The following LRP1B variants were observed in gnomAD, a reference collection of about 807,000 sequenced individuals.
The protein encoded by LRP1B is LDL receptor related protein 1B, also known as low-density lipoprotein receptor-related protein 1B.
In LRP1B, 217 loss-of-function variants were observed where a neutral mutation model predicts 556.6. That is an observed-to-expected ratio of 0.39 (90% CI 0.35 to 0.44). The LOEUF (loss-of-function observed/expected upper bound fraction) is 0.44. Ranked by LOEUF, LRP1B falls within the 20% of genes least tolerant of loss-of-function variation. The probability of loss-of-function intolerance (pLI) is 1.00; values close to 1 mark genes in which losing one functional copy is unlikely to be tolerated. For missense variants in LRP1B, 5,053 were observed against 5,620.8 expected, an observed-to-expected ratio of 0.90 and a Z score of 3.23; for synonymous variants, 2,047 against 1,865.8, an observed-to-expected ratio of 1.10 and a Z score of -2.50.
At chr2:141,434,173 A>AT (rs573679073) in intron 3 of LRP1B, among the ~76,000 whole-genome samples, 14 of 151,942 alleles carry the variant, frequency 9.2e-5, no homozygotes, top group African/African-American at 3.4e-4. Flanking sequence ...ATCTTTGAAT[A>AT]TTTTTTCTGT....
intron 3 of LRP1B, among the ~76,000 whole-genome samples, chr2:141,312,826 T>A (rs528439390): frequency 3.3e-5 from 5 of 151,974 alleles, no homozygotes; most frequent in Non-Finnish European, 5.9e-5. Context: ...GTAGCTGAGA[T>A]TACAGGTGCC....
chr2:140,690,587 G>A (rs889643239), intron 41 of LRP1B, among the ~76,000 whole-genome samples: 52 of 152,206 alleles, frequency 3.4e-4, no homozygotes, highest in African/African-American at 1.2e-3. Flanking sequence ...AGGAAATTTT[G>A]AATTCATGGA....
At chr2:141,623,818 C>G (rs921365116) in intron 2 of LRP1B, among the ~76,000 whole-genome samples, 4 of 151,498 alleles carry the variant, frequency 2.6e-5, no homozygotes, top group African/African-American at 4.9e-5. Context: ...AGTTTGAGAC[C>G]AGCCTGGCTA....
intron 43 of LRP1B, among the ~76,000 whole-genome samples, chr2:140,584,621 T>C (rs1485274987): frequency 6.6e-6 from 1 of 152,110 alleles, no homozygotes; most frequent in Non-Finnish European, 1.5e-5. Flanking sequence ...AATACACTAG[T>C]TGCCCTAGAT....
chr2:141,537,198 CA>C (rs1307559750), intron 2 of LRP1B, among the ~76,000 whole-genome samples: 2 of 151,836 alleles, frequency 1.3e-5, no homozygotes, highest in Non-Finnish European at 2.9e-5. Context: ...TTTGACTTAT[CA>C]AAATGCTGGA....
chr2:140,827,210 A>G (rs1691539886), intron 31 of LRP1B, among the ~76,000 whole-genome samples: 1 of 152,120 alleles, frequency 6.6e-6, no homozygotes, highest in Non-Finnish European at 1.5e-5. Context: ...AAAGCTATAG[A>G]CATACATCCA....
intron 1 of LRP1B, among the ~76,000 whole-genome samples, chr2:142,065,997 T>C (rs992869296): frequency 2.6e-5 from 4 of 151,498 alleles, no homozygotes; most frequent in Non-Finnish European, 4.4e-5. Flanking sequence ...ATAATGGTGG[T>C]ACAGACACAG....
intron 2 of LRP1B, among the ~76,000 whole-genome samples, chr2:141,662,370 A>G (rs1042959243): frequency 6.6e-6 from 1 of 152,218 alleles, no homozygotes; most frequent in Non-Finnish European, 1.5e-5. Context: ...GCTCCAATTA[A>G]AAGACACAGA....
At chr2:140,444,198 T>C in intron 65 of LRP1B, 132 bp downstream of exon 65, 1 of 976,874 alleles carries the variant, frequency 1.0e-6, no homozygotes. Context: ...TTGGCATCTA[T>C]TTCTAATTAT....
rs1680161947 is a variant in LRP1B, at chr2:140,321,955, A to C, written c.12640+8T>G. On this transcript the variant is annotated splice_region_variant and intron_variant, in intron 82 of 90. Coordinates refer to ENST00000389484, the MANE Select transcript of LRP1B (RefSeq NM_018557.3). The stretch of plus-strand genomic sequence containing the variant: ...TTCATTATTTACAGAATAATAAAGT[A>C]TACCCACCTAACAGGCTGTCATCAT... 1 of 1,610,652 alleles carries C rather than the reference A, an allele frequency of 6.2e-7. No individual in the cohort carries two copies.
intron 25 of LRP1B, among the ~76,000 whole-genome samples, chr2:140,875,950 A>G (rs1311265157): frequency 6.6e-6 from 1 of 152,142 alleles, no homozygotes; most frequent in African/African-American, 2.4e-5. Flanking sequence ...TTTGACTATG[A>G]CTGCCCTAAA....
intron 25 of LRP1B, among the ~76,000 whole-genome samples, chr2:140,872,080 GTA>G (rs1295706092): frequency 6.5e-4 from 37 of 56,624 alleles, no homozygotes; most frequent in East Asian, 1.0e-3. Context: ...CTAGGACCTT[GTA>G]TTTTTTTTTT....
chr2:140,660,170 GT>G (rs1685040840), intron 41 of LRP1B, among the ~76,000 whole-genome samples: 2 of 151,638 alleles, frequency 1.3e-5, no homozygotes, highest in Non-Finnish European at 2.9e-5. Flanking sequence ...CTGCAAAAGT[GT>G]TTTTTTCAAC....
intron 7 of LRP1B, among the ~76,000 whole-genome samples, chr2:141,126,613 A>C (rs1701219073): frequency 6.6e-6 from 1 of 152,118 alleles, no homozygotes. Flanking sequence ...ATGTTACTGC[A>C]TCTGAAGACA....
chr2:140,612,028 A>C (rs1683089902), intron 41 of LRP1B, among the ~76,000 whole-genome samples: 1 of 152,112 alleles, frequency 6.6e-6, no homozygotes, highest in Non-Finnish European at 1.5e-5. Flanking sequence ...AAGACAAAAT[A>C]AAAACTTAAA....
At chr2:141,899,903 C>T (rs1699564722) in intron 1 of LRP1B, among the ~76,000 whole-genome samples, 1 of 152,094 alleles carries the variant, frequency 6.6e-6, no homozygotes, top group East Asian at 1.9e-4. Context: ...GAAATCTCTA[C>T]CCCCTGCTTG....
At chr2:141,485,219 G>A (rs565711534) in intron 2 of LRP1B, among the ~76,000 whole-genome samples, 1 of 152,090 alleles carries the variant, frequency 6.6e-6, no homozygotes, top group Non-Finnish European at 1.5e-5. Flanking sequence ...ATATACTCTT[G>A]TCTTGGTTGC....
chr2:141,446,774 G>C (rs1402523067), intron 3 of LRP1B, among the ~76,000 whole-genome samples: 1 of 152,190 alleles, frequency 6.6e-6, no homozygotes, highest in Admixed American at 6.5e-5. Context: ...TCTGCGGAGA[G>C]AGACCCACTC....
At chr2:141,252,408 C>T (rs143810680) in intron 4 of LRP1B, among the ~76,000 whole-genome samples, 2 of 152,172 alleles carry the variant, frequency 1.3e-5, no homozygotes, top group East Asian at 3.9e-4. Flanking sequence ...CATTCATAAA[C>T]TCAGGTTTCT....
Sources: gnomAD v4.1 joint callset for allele counts (sites outside exome capture counted in the v4.1 genomes callset) on GRCh38, gnomAD v4.1.1 for gene constraint, MANE v1.5 for transcripts, NCBI Gene and HGNC (gene_info 2026-07-23, HGNC 2026-07-21) for gene names.